Variants in ATP13A4 observed in about 807,000 individuals in gnomAD.
ATP13A4 encodes ATPase 13A4, also known as probable cation-transporting ATPase 13A4.
A neutral mutation model predicts 142.5 loss-of-function variants in ATP13A4; 114 were observed. The ratio of observed to expected loss-of-function variants is 0.80; its 90% CI spans 0.69 to 0.93. The LOEUF is 0.93. Among genes scored for constraint, ATP13A4 ranks in the 40% least tolerant of loss-of-function variants. The pLI is 0.00. For synonymous variants in ATP13A4, 488 were observed against 514.8 expected (o/e 0.95, Z 0.70); for missense variants, 1,392 against 1,454.0 (o/e 0.96, Z 0.69).
intron 2 of ATP13A4, among the ~76,000 whole-genome samples, chr3:193,580,672 G>A (rs1192121793): frequency 6.6e-6 from 1 of 152,138 alleles, no homozygotes; most frequent in Non-Finnish European, 1.5e-5. Context: ...AAGCAAAGAG[G>A]AAATGAACCA....
chr3:193,429,470 G>A (rs1715854541), intron 25 of ATP13A4, among the ~76,000 whole-genome samples: 1 of 152,118 alleles, frequency 6.6e-6, no homozygotes, highest in South Asian at 2.1e-4. Context: ...CTATAAAAAC[G>A]AATTAAGTTC....
intron 25 of ATP13A4, among the ~76,000 whole-genome samples, chr3:193,429,690 A>G (rs1400022300): frequency 1.3e-5 from 2 of 151,990 alleles, no homozygotes; most frequent in East Asian, 1.9e-4. Flanking sequence ...ACTTTTGAAA[A>G]TATATAGTGG....
At chr3:193,470,799 T>G in intron 9 of ATP13A4, 60 bp downstream of exon 9, 1 of 1,611,722 alleles carries the variant, frequency 6.2e-7, no homozygotes, top group South Asian at 1.1e-5. Context: ...GTAGGGACCA[T>G]AGCAGCGTGG....
chr3:193,491,864 G>A (rs1305542399), intron 5 of ATP13A4, among the ~76,000 whole-genome samples: 1 of 152,146 alleles, frequency 6.6e-6, no homozygotes, highest in Non-Finnish European at 1.5e-5. Context: ...TTTAATGTGA[G>A]TGGAAAGGCT....
chr3:193,483,830 G>A (rs1004326785), intron 8 of ATP13A4, 106 bp downstream of exon 8: 41 of 1,026,836 alleles, frequency 4.0e-5, no homozygotes, highest in Non-Finnish European at 5.9e-5. Context: ...TGCCTAAGGA[G>A]AAATGAATAT....
At chr3:193,533,902 G>A (rs1006560186) in intron 1 of ATP13A4, among the ~76,000 whole-genome samples, 1 of 152,116 alleles carries the variant, frequency 6.6e-6, no homozygotes, top group African/African-American at 2.4e-5. Context: ...TGGAGTCTGG[G>A]CCTCCACCCC....
chr3:193,440,575 T>G lies in ATP13A4; in HGVS notation c.2502A>C (p.Glu834Asp). 1 of 1,614,036 alleles carries G rather than the reference T, an allele frequency of 6.2e-7. No homozygotes were observed. The highest frequency in any genetic ancestry group is 8.5e-7 in the Non-Finnish European group (1 of 1,179,888). ...MSPGQKSSLV[E>D]EFQKLDYFVG... ...GAACCTACTCCAGTTTCTGAAATTC[T>G]TCCACCAGACTGGACTTCTGCCCAG... Residue 834 changes from glutamate (E) to aspartate (D), a missense_variant, in exon 21 of 30, where the codon GAA becomes GAC. Glu to Asp is a conservative substitution (Grantham distance 45). Coordinates refer to ENST00000342695, the MANE Select transcript of ATP13A4 (RefSeq NM_032279.4).
intron 2 of ATP13A4, among the ~76,000 whole-genome samples, chr3:193,572,975 A>G (rs1350001736): frequency 6.9e-6 from 1 of 145,224 alleles, no homozygotes; most frequent in East Asian, 2.0e-4. Flanking sequence ...AAAAAAAAAA[A>G]AAATTACAAA....
At chr3:193,519,626 ATTTTTTTT>A (rs147173408) in intron 1 of ATP13A4, among the ~76,000 whole-genome samples, 41 of 69,038 alleles carry the variant, frequency 5.9e-4, no homozygotes, top group Admixed American at 2.6e-3. Flanking sequence ...GCAATTTGTA[ATTTTTTTT>A]TTTTTTTTTT....
rs1349778568 is a variant in ATP13A4 at position 193,467,460 on chromosome 3, G to A, written c.970C>T (p.Pro324Ser). 1 of 1,613,710 alleles carries A rather than the reference G, an allele frequency of 6.2e-7. No individual in the cohort carries two copies. Among genetic ancestry groups the A allele is most frequent in the Non-Finnish European group, 8.5e-7 (1 of 1,179,990 alleles). Residue 324 changes from proline to serine, a missense_variant, in exon 10 of 30, where the codon CCG becomes TCG. By Grantham distance (74) the Pro-to-Ser change is moderately conservative. Transcript: ENST00000342695. Reference protein sequence around the residue: ...TGESIPVTKTPLPKMDSSVPW... With the variant: ...TGESIPVTKTSLPKMDSSVPW... ...ACAGAGCTATCCATCTTGGGTAACG[G>A]AGTTTTGGTGACTGGAATACTTTCT... is the stretch of plus-strand genomic sequence containing the variant.
rs776932235 is a variant in ATP13A4, at chr3:193,441,502, A to T, written c.2403T>A (p.His801Gln). ...GGCTGCTGAAATGTTGACTTATAACATGAAAGGATTTTCCAGTTAGGGCAA... is the reference window on the plus strand; with the variant it reads ...GGCTGCTGAAATGTTGACTTATAACTTGAAAGGATTTTCCAGTTAGGGCAA... Reference protein sequence around the residue: ...YHFALTGKSFHVISQHFSSLL... With the variant: ...YHFALTGKSFQVISQHFSSLL... Residue 801 changes from histidine (H) to glutamine (Q), a missense_variant, in exon 20 of 30, where the codon CAT becomes CAA. Transcript: ENST00000342695. The T allele has an allele frequency of 8.7e-6, 14 of 1,613,744 alleles. No homozygotes were observed. The highest frequency in any genetic ancestry group is 1.2e-5 in the Non-Finnish European group (14 of 1,179,816).
At chr3:193,543,298 G>C (rs1056806758) in intron 1 of ATP13A4, among the ~76,000 whole-genome samples, 2 of 152,032 alleles carry the variant, frequency 1.3e-5, no homozygotes, top group African/African-American at 4.8e-5. Flanking sequence ...ATCTAATTAA[G>C]CTAAAGAGCT....
intron 23 of ATP13A4, among the ~76,000 whole-genome samples, chr3:193,437,988 C>T (rs552129301): frequency 9.9e-5 from 15 of 152,042 alleles, no homozygotes; most frequent in Non-Finnish European, 2.1e-4. Flanking sequence ...CCTGCTACCA[C>T]GCCCAGCTAA....
intron 3 of ATP13A4, among the ~76,000 whole-genome samples, chr3:193,497,882 G>A (rs193192412): frequency 6.6e-6 from 1 of 152,240 alleles, no homozygotes; most frequent in African/African-American, 2.4e-5. Flanking sequence ...CATAGAAGTA[G>A]GGAGTACAAT....
rs1717708644 is a variant in ATP13A4 at position 193,457,606 on chromosome 3, A to T, written c.1675-141T>A. 1.0e-5 allele frequency: 8 copies of T among 771,148 alleles called. 1 individual carries two copies. The highest frequency in any genetic ancestry group is 1.0e-4 in the South Asian group (7 of 68,104). The allele number at this position is 771,148 out of a possible 1,614,324, so 47.8% of individuals were successfully genotyped here. A position where few individuals can be genotyped will look rare whatever the true frequency, so the allele number is the denominator to read the frequency against. On this transcript the variant is annotated intron_variant, in intron 14 of 29. Transcript: ENST00000342695. The stretch of plus-strand genomic sequence containing the variant: ...GTCTCTTCCCTCAGAGGTGAACCAG[A>T]TTTATTCCGCCACAGAAAAAAAGAA...
intron 1 of ATP13A4, among the ~76,000 whole-genome samples, chr3:193,584,320 A>G (rs1029045607): frequency 6.6e-6 from 1 of 152,208 alleles, no homozygotes; most frequent in Non-Finnish European, 1.5e-5. Context: ...TGGAAATGAG[A>G]CACAAGCAAA....
intron 13 of ATP13A4, among the ~76,000 whole-genome samples, chr3:193,460,038 C>T (rs186416364): frequency 1.5e-4 from 23 of 152,242 alleles, no homozygotes; most frequent in African/African-American, 4.6e-4. Context: ...ATTAGGAGGA[C>T]GTTTGAACGG....
At chr3:193,465,962 C>A in intron 11 of ATP13A4, 63 bp downstream of exon 11, 2 of 1,598,170 alleles carry the variant, frequency 1.3e-6, no homozygotes, top group Non-Finnish European at 1.7e-6. Flanking sequence ...GGCCAACATG[C>A]ACAGTACAAA....
At chr3:193,434,063 T>C in intron 24 of ATP13A4, 146 bp from the exon 25 acceptor site, 1 of 721,012 alleles carries the variant, frequency 1.4e-6, no homozygotes, top group Non-Finnish European at 2.4e-6. Context: ...GTTGAGTTGG[T>C]GAGTGATGGT....
Sources: allele counts gnomAD v4.1 joint callset (sites outside exome capture counted in the v4.1 genomes callset), GRCh38; gene constraint gnomAD v4.1.1; transcripts MANE v1.5; gene names NCBI Gene and HGNC (gene_info 2026-07-23, HGNC 2026-07-21).